ERO1B: variants seen among roughly 807,000 people sequenced by gnomAD.
The protein encoded by ERO1B is ERO1-like protein beta.
A neutral mutation model predicts 75.3 loss-of-function variants in ERO1B; 49 were observed. The ratio of observed to expected loss-of-function variants is 0.65; its 90% CI spans 0.52 to 0.83. ERO1B has a LOEUF of 0.83. Among genes scored for constraint, ERO1B ranks in the 40% least tolerant of loss-of-function variants. The pLI is 0.00. For missense variants in ERO1B, 512 were observed against 560.1 expected, an observed-to-expected ratio of 0.91 and a Z score of 0.87; for synonymous variants, 191 against 192.9, an observed-to-expected ratio of 0.99 and a Z score of 0.08.
At chr1:236,258,821 G>A (rs1443652393) in intron 2 of ERO1B, among the ~76,000 whole-genome samples, 8 of 152,120 alleles carry the variant, frequency 5.3e-5, no homozygotes, top group Non-Finnish European at 8.8e-5. Context: ...CTTGGGAGGC[G>A]GACGTTGCAG....
intron 1 of ERO1B, among the ~76,000 whole-genome samples, chr1:236,273,806 A>C (rs1331984215): frequency 8.3e-5 from 1 of 12,000 alleles, no homozygotes; most frequent in African/African-American, 1.9e-4. Flanking sequence ...ACCTTGTCTC[A>C]AAAGAAAAAA....
intron 2 of ERO1B, among the ~76,000 whole-genome samples, chr1:236,254,444 C>T (rs1665112723): frequency 6.6e-6 from 1 of 152,080 alleles, no homozygotes; most frequent in African/African-American, 2.4e-5. Context: ...TCCTCAAAAC[C>T]TTCCTGTGGC....
At chr1:236,232,091 T>C (rs934033450) in intron 9 of ERO1B, among the ~76,000 whole-genome samples, 7 of 152,184 alleles carry the variant, frequency 4.6e-5, no homozygotes, top group Admixed American at 4.6e-4. Flanking sequence ...CTACCCCTCC[T>C]CCAGTAAGCT....
rs555651042 is a variant in ERO1B, at chr1:236,222,122, T to C, written c.1123-112A>G. On this transcript the variant is annotated intron_variant, in intron 13 of 15. Transcript: ENST00000354619. ...TTAATAAATCAGTTGTGTTTTTTGT[T>C]TGTTTGAGAAGGAGTTTTGCTTTGT... The C allele has an allele frequency of 2.1e-4, 183 of 871,014 alleles. No homozygotes were observed. In the Middle Eastern group the frequency reaches 2.8e-3, roughly 13 times the overall value. 54.0% of individuals were successfully genotyped at this position (871,014 alleles called of 1,614,324 possible).
chr1:236,238,532 T>C (rs1350898138), intron 6 of ERO1B, among the ~76,000 whole-genome samples: 3 of 87,426 alleles, frequency 3.4e-5, no homozygotes, highest in African/African-American at 9.4e-5. Flanking sequence ...CCTTTTTTTT[T>C]TTTTTTTTAA....
chr1:236,221,698 T>G, intron 14 of ERO1B: 1 of 458,536 alleles, frequency 2.2e-6, no homozygotes, highest in Non-Finnish European at 3.9e-6. Flanking sequence ...AATAGAAACA[T>G]AGACACAATA....
At chr1:236,224,999 T>A (rs1664242802) in intron 13 of ERO1B, 71 bp downstream of exon 13, 1 of 1,359,636 alleles carries the variant, frequency 7.4e-7, no homozygotes, top group Admixed American at 1.7e-5. Flanking sequence ...AGAAAACAGT[T>A]TGGATGCACA....
Position 236,236,258 on chromosome 1 carries a change from C to A in ERO1B, c.626+20G>T. On this transcript the variant is annotated intron_variant, in intron 7 of 15. Transcript: ENST00000354619. ...GACCCTCTATCAGTCGTTCCTTCTTCCCCCACCCCCTCCAGTTACTTGAAA... is the reference window on the plus strand; with the variant it reads ...GACCCTCTATCAGTCGTTCCTTCTTACCCCACCCCCTCCAGTTACTTGAAA... 1 of 1,611,618 alleles carries A rather than the reference C, an allele frequency of 6.2e-7. No individual in the cohort carries two copies. Among genetic ancestry groups the A allele is most frequent in the East Asian group, 2.2e-5 (1 of 44,744 alleles).
chr1:236,253,185 A>G (rs1224712734), intron 3 of ERO1B, among the ~76,000 whole-genome samples: 2 of 152,176 alleles, frequency 1.3e-5, no homozygotes, highest in Non-Finnish European at 2.9e-5. Flanking sequence ...CCATTTTAGA[A>G]TAAGACTATA....
intron 10 of ERO1B, among the ~76,000 whole-genome samples, chr1:236,229,319 G>C (rs1256571525): frequency 2.6e-5 from 4 of 152,020 alleles, no homozygotes; most frequent in Non-Finnish European, 5.9e-5. Context: ...CAGCTATTTG[G>C]GAGGCTGAGG....
At chr1:236,276,396 A>G (rs751837361) in intron 1 of ERO1B, among the ~76,000 whole-genome samples, 4 of 152,242 alleles carry the variant, frequency 2.6e-5, no homozygotes, top group Non-Finnish European at 4.4e-5. Context: ...CCTGAGGTTC[A>G]AATGATTAGC....
chr1:236,223,224 AGAG>A (rs1277908221), intron 13 of ERO1B, among the ~76,000 whole-genome samples: 1 of 130,194 alleles, frequency 7.7e-6, no homozygotes, highest in Non-Finnish European at 1.6e-5. Flanking sequence ...AAAAAAAAAA[AGAG>A]AAGTTTCCTA....
chr1:236,252,837 A>G (rs964422515), intron 3 of ERO1B, among the ~76,000 whole-genome samples: 1 of 152,204 alleles, frequency 6.6e-6, no homozygotes, highest in African/African-American at 2.4e-5. Flanking sequence ...TAAGAAAAGC[A>G]GAAAGTGAAA....
intron 15 of ERO1B, among the ~76,000 whole-genome samples, chr1:236,219,824 C>T (rs1263934589): frequency 6.6e-6 from 1 of 151,880 alleles, no homozygotes; most frequent in Non-Finnish European, 1.5e-5. Flanking sequence ...TGTTTGAGAC[C>T]AGACTGGACA....
chr1:236,264,162 G>A lies in ERO1B; in HGVS notation c.222+5713C>T, dbSNP rs141316763. Among the ~76,000 whole-genome samples, 38 of 152,084 alleles carry A rather than the reference G, an allele frequency of 2.5e-4. No individual in the cohort carries two copies. The East Asian group carries it at 6.0e-3, about 24-fold the overall frequency. ...GTCACCCAGGCTGGAGTGCAGTGGC[G>A]TGATCTTGGCTCACTGCAACCTCTA... On this transcript the variant is annotated intron_variant, in intron 2 of 15. Coordinates refer to ENST00000354619, the MANE Select transcript of ERO1B (RefSeq NM_019891.4).
chr1:236,233,546 C>G (rs1204136414), intron 8 of ERO1B, among the ~76,000 whole-genome samples: 1 of 150,632 alleles, frequency 6.6e-6, no homozygotes. Context: ...TGCAGTGAGC[C>G]GAGATCACAC....
At chr1:236,270,111 G>A (rs1306825945) in intron 1 of ERO1B, 117 bp from the exon 2 acceptor site, 2 of 723,490 alleles carry the variant, frequency 2.8e-6, no homozygotes, top group Admixed American at 3.1e-5. Context: ...TGCTGATTAA[G>A]ATATAACATT....
At chr1:236,234,996 C>T (rs181697849) in intron 8 of ERO1B, among the ~76,000 whole-genome samples, 179 of 152,156 alleles carry the variant, frequency 1.2e-3, no homozygotes, top group Admixed American at 2.2e-3. Flanking sequence ...TGTTACATGA[C>T]GCATAGGTTA....
intron 1 of ERO1B, 53 bp from the exon 2 acceptor site, chr1:236,270,047 A>C (rs778735725): frequency 6.1e-5 from 74 of 1,222,450 alleles, no homozygotes; most frequent in Non-Finnish European, 8.4e-5. Flanking sequence ...CAACCTTAAC[A>C]AATCTACACT....
Sources: gnomAD v4.1 joint callset for allele counts (sites outside exome capture counted in the v4.1 genomes callset) on GRCh38, gnomAD v4.1.1 for gene constraint, MANE v1.5 for transcripts, NCBI Gene and HGNC (gene_info 2026-07-23, HGNC 2026-07-21) for gene names.